RABGAP1L: variants seen among roughly 807,000 people sequenced by gnomAD.
RABGAP1L encodes RAB GTPase activating protein 1 like.
Under a neutral mutation model 137.7 loss-of-function variants are expected in RABGAP1L, and 63 were observed. That is an observed-to-expected ratio of 0.46 (90% CI 0.37 to 0.56). The LOEUF is 0.56. Ranked by LOEUF, RABGAP1L falls within the 20% of genes least tolerant of loss-of-function variation. The pLI, the probability that RABGAP1L is intolerant of heterozygous loss-of-function variation, is 0.00. For missense variants in RABGAP1L, 1,095 were observed against 1,244.0 expected (o/e 0.88, Z 1.80); for synonymous variants, 431 against 433.7 (o/e 0.99, Z 0.08).
intron 13 of RABGAP1L, among the ~76,000 whole-genome samples, chr1:174,549,901 C>T (rs1035078483): frequency 6.6e-6 from 1 of 152,104 alleles, no homozygotes; most frequent in Non-Finnish European, 1.5e-5. Context: ...GGTGCAGTGG[C>T]ATTCCCTGTA....
intron 13 of RABGAP1L, among the ~76,000 whole-genome samples, chr1:174,459,904 A>G (rs1230914628): frequency 6.6e-6 from 1 of 152,152 alleles, no homozygotes; most frequent in African/African-American, 2.4e-5. Context: ...AATTTTATGT[A>G]AAATTGTGTA....
chr1:174,542,838 C>T (rs1665597892), intron 13 of RABGAP1L, among the ~76,000 whole-genome samples: 1 of 152,180 alleles, frequency 6.6e-6, no homozygotes, highest in African/African-American at 2.4e-5. Context: ...TTTCTGCCTT[C>T]ATTTCGTTAT....
At chr1:174,225,442 G>A (rs949640519) in intron 3 of RABGAP1L, among the ~76,000 whole-genome samples, 2 of 144,212 alleles carry the variant, frequency 1.4e-5, no homozygotes, top group African/African-American at 2.6e-5. Flanking sequence ...CAGAGTTTTC[G>A]AATCTTATGT....
chr1:174,270,540 T>C (rs1674465503), intron 7 of RABGAP1L, among the ~76,000 whole-genome samples: 1 of 152,084 alleles, frequency 6.6e-6, no homozygotes, highest in Non-Finnish European at 1.5e-5. Context: ...ACAGACTTTA[T>C]CTCTACATAA....
chr1:174,636,096 T>A (rs1674002848), intron 13 of RABGAP1L, among the ~76,000 whole-genome samples: 1 of 152,194 alleles, frequency 6.6e-6, no homozygotes, highest in Non-Finnish European at 1.5e-5. Context: ...ACTATTTTCT[T>A]GACATTTAAA....
intron 19 of RABGAP1L, among the ~76,000 whole-genome samples, chr1:174,827,109 A>G (rs1165182085): frequency 6.6e-6 from 1 of 151,840 alleles, no homozygotes; most frequent in Non-Finnish European, 1.5e-5. Context: ...CTCTGTCTAT[A>G]TTATCTGTGT....
chr1:174,332,211 T>C (rs1681090534), intron 11 of RABGAP1L, among the ~76,000 whole-genome samples: 1 of 152,116 alleles, frequency 6.6e-6, no homozygotes, highest in South Asian at 2.1e-4. Context: ...ATTGTACAGT[T>C]GGGTATTTTG....
In RABGAP1L at chr1:174,616,080, A is replaced by G. The variant is rs545919549; in HGVS notation, c.1711-21295A>G. Among the ~76,000 whole-genome samples, 21 of 152,314 alleles carry G rather than the reference A, an allele frequency of 1.4e-4. No individual in the cohort carries two copies. In the South Asian group the frequency reaches 4.3e-3, roughly 32 times the overall value. On this transcript the variant is annotated intron_variant, in intron 13 of 25. Coordinates refer to ENST00000681986, the MANE Select transcript of RABGAP1L (RefSeq NM_001366446.1). ...CTTTGGCTCGCACACAGTGCGCTGC[A>G]CCCACTGTCCTGTGCCCACTGTCTG...
At chr1:174,416,019 C>T (rs10912781) in intron 13 of RABGAP1L, among the ~76,000 whole-genome samples, 1 of 129,042 alleles carries the variant, frequency 7.7e-6, no homozygotes, top group Admixed American at 7.5e-5. Flanking sequence ...AGAAAATTTA[C>T]ATATATATAT....
At chr1:174,483,819 C>CAAA (rs201936174) in intron 13 of RABGAP1L, among the ~76,000 whole-genome samples, 12,330 of 132,706 alleles carry the variant, frequency 0.093, 716 homozygotes, top group East Asian at 0.23. Context: ...AACTCCATCT[C>CAAA]AAAAAAAAAA....
chr1:174,634,857 G>T (rs2148330518), intron 13 of RABGAP1L, among the ~76,000 whole-genome samples: 1 of 137,336 alleles, frequency 7.3e-6, no homozygotes, highest in African/African-American at 2.8e-5. Flanking sequence ...CACAGGAAGG[G>T]GAATATCACA....
chr1:174,475,342 G>T (rs41472847), intron 13 of RABGAP1L, among the ~76,000 whole-genome samples: 1 of 151,932 alleles, frequency 6.6e-6, no homozygotes, highest in Non-Finnish European at 1.5e-5. Flanking sequence ...TGATTGGTTG[G>T]ACTGTCTTTG....
intron 16 of RABGAP1L, chr1:174,700,991 A>G: frequency 8.4e-7 from 1 of 1,190,752 alleles, no homozygotes; most frequent in South Asian, 1.4e-5. Context: ...CTGAATGAGC[A>G]TTTGGACGTT....
intron 13 of RABGAP1L, among the ~76,000 whole-genome samples, chr1:174,415,584 C>G (rs1275562111): frequency 6.6e-6 from 1 of 152,016 alleles, no homozygotes; most frequent in African/African-American, 2.4e-5. Flanking sequence ...CATGACGCTT[C>G]TACCTTGATA....
chr1:174,502,926 G>T (rs755216345), intron 13 of RABGAP1L, among the ~76,000 whole-genome samples: 4 of 152,110 alleles, frequency 2.6e-5, no homozygotes, highest in Non-Finnish European at 4.4e-5. Context: ...ACAATAAATA[G>T]TGATTAACCT....
At chr1:174,266,651 C>T (rs562188640) in intron 7 of RABGAP1L, among the ~76,000 whole-genome samples, 1 of 152,294 alleles carries the variant, frequency 6.6e-6, no homozygotes, top group South Asian at 2.1e-4. Flanking sequence ...AATCATGTCG[C>T]TTCTTCCAAA....
At chr1:174,377,988 A>T (rs1340092281) in intron 12 of RABGAP1L, among the ~76,000 whole-genome samples, 3 of 124,358 alleles carry the variant, frequency 2.4e-5, no homozygotes, top group African/African-American at 9.9e-5. Flanking sequence ...TCCTGTGTCC[A>T]TGTGATCTCA....
At chr1:174,307,891 A>G (rs1436461672) in intron 11 of RABGAP1L, among the ~76,000 whole-genome samples, 1 of 152,120 alleles carries the variant, frequency 6.6e-6, no homozygotes, top group Non-Finnish European at 1.5e-5. Context: ...AGGAACCACC[A>G]TAGTGTTTTT....
At chr1:174,174,033 C>T (rs747094215) in intron 1 of RABGAP1L, among the ~76,000 whole-genome samples, 5 of 152,042 alleles carry the variant, frequency 3.3e-5, no homozygotes, top group Admixed American at 6.6e-5. Context: ...TTTAGGCTGT[C>T]GCTGAGAGCT....
Sources: gnomAD v4.1 joint callset for allele counts (sites outside exome capture counted in the v4.1 genomes callset) on GRCh38, gnomAD v4.1.1 for gene constraint, MANE v1.5 for transcripts, NCBI Gene and HGNC (gene_info 2026-07-23, HGNC 2026-07-21) for gene names.